The following DYNC1I1 variants were observed in gnomAD, a reference collection of about 807,000 sequenced individuals.
The protein encoded by DYNC1I1 is dynein cytoplasmic 1 intermediate chain 1.
A neutral mutation model predicts 86.6 loss-of-function variants in DYNC1I1; 43 were observed. That is an observed-to-expected ratio of 0.50 (90% CI 0.39 to 0.64). The LOEUF is 0.64. Ranked by LOEUF, DYNC1I1 falls within the 30% of genes least tolerant of loss-of-function variation. The pLI, the probability that DYNC1I1 is intolerant of heterozygous loss-of-function variation, is 0.00. For synonymous variants in DYNC1I1, 262 were observed against 283.7 expected (o/e 0.92, Z 0.77); for missense variants, 604 against 788.8 (o/e 0.77, Z 2.81).
chr7:96,026,062 T>C (rs1794674554), intron 10 of DYNC1I1, among the ~76,000 whole-genome samples: 1 of 152,200 alleles, frequency 6.6e-6, no homozygotes, highest in Admixed American at 6.5e-5. Context: ...AATTGAAAGC[T>C]AAGAATCATT....
At chr7:96,021,617 A>G (rs190478141) in intron 10 of DYNC1I1, among the ~76,000 whole-genome samples, 216 of 152,256 alleles carry the variant, frequency 1.4e-3, no homozygotes, top group Non-Finnish European at 3.0e-3. Flanking sequence ...CTAATTCCAG[A>G]ACATTTTTAT....
At chr7:95,883,491 CCTT>C (rs1313257168) in intron 6 of DYNC1I1, among the ~76,000 whole-genome samples, 1 of 152,116 alleles carries the variant, frequency 6.6e-6, no homozygotes, top group Non-Finnish European at 1.5e-5. Flanking sequence ...GTTTGAAACT[CCTT>C]CATAGTAGCC....
At position 95,942,532 on chromosome 7, in the gene DYNC1I1, A is replaced by G. The variant is rs1792259434; in HGVS notation, c.491-34980A>G. Among the ~76,000 whole-genome samples the G allele has an allele frequency of 2.6e-5, 4 of 152,362 alleles. No individual in the cohort carries two copies. In the South Asian group the frequency reaches 8.3e-4, roughly 32 times the overall value. ...CCCTAACTCATTTTATGAGGCCAGC[A>G]TCATCCTGATACCAAAGCTTGGCAG... On this transcript the variant is annotated intron_variant, in intron 6 of 16. Transcript: ENST00000447467.
chr7:95,985,180 G>A (rs1181134272), intron 8 of DYNC1I1, among the ~76,000 whole-genome samples: 2 of 152,122 alleles, frequency 1.3e-5, no homozygotes, highest in Admixed American at 6.6e-5. Flanking sequence ...ATGTGCTTCT[G>A]TGAAATGCTT....
chr7:95,941,748 C>T (rs1053922503), intron 6 of DYNC1I1, among the ~76,000 whole-genome samples: 5 of 152,200 alleles, frequency 3.3e-5, no homozygotes, highest in South Asian at 2.1e-4. Context: ...TGACCACTTG[C>T]GCTTCCCAAG....
intron 6 of DYNC1I1, among the ~76,000 whole-genome samples, chr7:95,917,495 G>A (rs1791500581): frequency 6.6e-6 from 1 of 152,026 alleles, no homozygotes; most frequent in South Asian, 2.1e-4. Context: ...AAAATGCTAT[G>A]CTTAAGCACC....
At chr7:95,876,564 G>T (rs1790314340) in intron 6 of DYNC1I1, among the ~76,000 whole-genome samples, 1 of 152,074 alleles carries the variant, frequency 6.6e-6, no homozygotes, top group Non-Finnish European at 1.5e-5. Flanking sequence ...GTACACTAGG[G>T]TGAATATCAT....
intron 5 of DYNC1I1, among the ~76,000 whole-genome samples, chr7:95,847,708 A>G (rs1336017627): frequency 6.6e-6 from 1 of 152,124 alleles, no homozygotes; most frequent in African/African-American, 2.4e-5. Flanking sequence ...ATCAAAACTT[A>G]TATTCTGAAA....
chr7:95,870,514 G>A lies in DYNC1I1; in HGVS notation c.490+516G>A, dbSNP rs148660511. Among the ~76,000 whole-genome samples the A allele has an allele frequency of 2.3e-3, 357 of 152,312 alleles. 1 individual carries two copies. Among genetic ancestry groups the A allele is most frequent in the African/African-American group, 8.1e-3 (337 of 41,566 alleles). ...TGAAAGAGACCTTATGGCTCACAAAGCCTAAAATCTTTATTATAACCTGGC... is the reference window on the plus strand; with the variant it reads ...TGAAAGAGACCTTATGGCTCACAAAACCTAAAATCTTTATTATAACCTGGC... On this transcript the variant is annotated intron_variant, in intron 6 of 16. Coordinates refer to ENST00000447467, the MANE Select transcript of DYNC1I1 (RefSeq NM_001135556.2).
chr7:96,066,352 C>T (rs1789987112), intron 14 of DYNC1I1, among the ~76,000 whole-genome samples: 1 of 152,210 alleles, frequency 6.6e-6, no homozygotes, highest in African/African-American at 2.4e-5. Flanking sequence ...CACTACCACC[C>T]CCAATCTTCA....
intron 11 of DYNC1I1, 48 bp from the exon 12 acceptor site, chr7:96,032,619 A>ATTTC (rs750954486): frequency 7.0e-7 from 1 of 1,424,780 alleles, no homozygotes; most frequent in Non-Finnish European, 9.9e-7. Context: ...AAATGTAAGC[A>ATTTC]TTTCCTCTTG....
At chr7:95,979,744 AG>A (rs1365823975) in intron 7 of DYNC1I1, among the ~76,000 whole-genome samples, 11 of 152,212 alleles carry the variant, frequency 7.2e-5, no homozygotes, top group Admixed American at 7.2e-4. Flanking sequence ...GGTGTGACTA[AG>A]GTTTAGGAGA....
At chr7:95,956,190 A>C (rs1215101994) in intron 6 of DYNC1I1, among the ~76,000 whole-genome samples, 2 of 152,018 alleles carry the variant, frequency 1.3e-5, no homozygotes, top group African/African-American at 4.8e-5. Context: ...CACTCAGCCC[A>C]CAGAGACCAG....
intron 6 of DYNC1I1, among the ~76,000 whole-genome samples, chr7:95,947,288 G>A (rs1184965363): frequency 6.6e-6 from 1 of 152,180 alleles, no homozygotes; most frequent in Non-Finnish European, 1.5e-5. Context: ...ATGAACTCAT[G>A]TTGGTGTGTG....
chr7:95,970,055 T>C (rs1793125712), intron 6 of DYNC1I1, among the ~76,000 whole-genome samples: 2 of 152,194 alleles, frequency 1.3e-5, no homozygotes. Flanking sequence ...TTGGCTGCTG[T>C]GATACATATT....
At chr7:95,802,314 T>TAAGA in intron 1 of DYNC1I1, among the ~76,000 whole-genome samples, 1 of 152,314 alleles carries the variant, frequency 6.6e-6, no homozygotes, top group East Asian at 1.9e-4. Context: ...TAAAGGCTAC[T>TAAGA]AAGAGTTCCT....
chr7:95,890,512 T>C (rs536460194), intron 6 of DYNC1I1, among the ~76,000 whole-genome samples: 1 of 152,162 alleles, frequency 6.6e-6, no homozygotes, highest in African/African-American at 2.4e-5. Context: ...AGTGAGAAAG[T>C]AATCTGTTCA....
At chr7:95,843,788 G>C (rs532526943) in intron 5 of DYNC1I1, among the ~76,000 whole-genome samples, 1 of 152,092 alleles carries the variant, frequency 6.6e-6, no homozygotes, top group Non-Finnish European at 1.5e-5. Flanking sequence ...AAATACATAC[G>C]GAAGTACCAA....
At chr7:95,820,811 C>T (rs535625311) in intron 4 of DYNC1I1, among the ~76,000 whole-genome samples, 8 of 152,372 alleles carry the variant, frequency 5.3e-5, no homozygotes, top group African/African-American at 1.9e-4. Flanking sequence ...CTCCTGGTCT[C>T]AAGTGATCCT....
Sources: gnomAD v4.1 joint callset for allele counts (sites outside exome capture counted in the v4.1 genomes callset) on GRCh38, gnomAD v4.1.1 for gene constraint, MANE v1.5 for transcripts, NCBI Gene and HGNC (gene_info 2026-07-23, HGNC 2026-07-21) for gene names.